PDE4D: variants seen among roughly 807,000 people sequenced by gnomAD.
PDE4D encodes the protein phosphodiesterase 4D, also known as 3',5'-cyclic-AMP phosphodiesterase 4D.
PDE4D carries 24 observed loss-of-function variants against 87.4 expected under a neutral mutation model. The ratio of observed to expected loss-of-function variants is 0.27; its 90% confidence interval spans 0.20 to 0.39. The LOEUF (loss-of-function observed/expected upper bound fraction) is 0.39. Among genes scored for constraint, PDE4D ranks in the 10% least tolerant of loss-of-function variants. The pLI is 1.00. For missense variants in PDE4D, 714 were observed against 1,041.0 expected, an observed-to-expected ratio of 0.69 and a Z score of 4.32; for synonymous variants, 384 against 383.2, an observed-to-expected ratio of 1.00 and a Z score of -0.02.
At chr5:59,875,460 C>CA (rs3062667) in intron 1 of PDE4D, among the ~76,000 whole-genome samples, 3,006 of 39,690 alleles carry the variant, frequency 0.076, 547 homozygotes, top group East Asian at 0.14. Context: ...ACCTCCGTCT[C>CA]AAAAAAAAAA....
At chr5:60,451,129 C>A (rs1282713768) in intron 1 of PDE4D, among the ~76,000 whole-genome samples, 1 of 152,090 alleles carries the variant, frequency 6.6e-6, no homozygotes, top group Admixed American at 6.6e-5. Flanking sequence ...GCCTCCTAAG[C>A]ACCCTATGGT....
In PDE4D at chr5:60,270,442, T is replaced by A. The variant is rs534605138; in HGVS notation, c.-89-84755A>T. Among the ~76,000 whole-genome samples the A allele has an allele frequency of 3.9e-5, 6 of 152,366 alleles. 1 individual carries two copies. Among genetic ancestry groups the A allele is most frequent in the Admixed American group, 3.9e-4 (6 of 15,304 alleles). Reference sequence around the variant, plus strand: ...GTTTGTATCATTCAGACCAGAATAATATTTCATAATTATGACTATATACCT... The same window carrying A: ...GTTTGTATCATTCAGACCAGAATAAAATTTCATAATTATGACTATATACCT... On this transcript the variant is annotated intron_variant, in intron 1 of 16. Transcript: ENST00000502484.
chr5:59,833,428 G>A (rs1741545967), intron 1 of PDE4D, among the ~76,000 whole-genome samples: 1 of 151,958 alleles, frequency 6.6e-6, no homozygotes, highest in Non-Finnish European at 1.5e-5. Context: ...GGATTTGAAA[G>A]AGTCAACAGT....
chr5:59,097,673 A>G (rs991616788), intron 5 of PDE4D, among the ~76,000 whole-genome samples: 45 of 152,342 alleles, frequency 3.0e-4, no homozygotes, highest in African/African-American at 1.0e-3. Flanking sequence ...TTGAGCACTA[A>G]CGTGTTCCTT....
chr5:60,400,458 C>T (rs1356482479), intron 1 of PDE4D, among the ~76,000 whole-genome samples: 1 of 129,254 alleles, frequency 7.7e-6, no homozygotes, highest in Non-Finnish European at 1.6e-5. Context: ...GAAGGCAGAG[C>T]TTGCAGTGAG....
At position 60,042,601 on chromosome 5, in the gene PDE4D, C is replaced by T. The variant is rs574463526; in HGVS notation, c.43-53884G>A. On this transcript the variant is annotated intron_variant, in intron 2 of 16. Coordinates refer to the PDE4D transcript ENST00000502484. ...GGGAAAAACCTTCCAGAGGAAAGAA[C>T]AGGCAGCAATCTTTGCTGTTCTACA... Among the ~76,000 whole-genome samples, 7 of 152,296 alleles carry T rather than the reference C, an allele frequency of 4.6e-5. No individual in the cohort carries two copies. The South Asian group carries it at 1.5e-3, about 32-fold the overall frequency.
intron 2 of PDE4D, among the ~76,000 whole-genome samples, chr5:59,992,310 T>A (rs1465612299): frequency 6.6e-6 from 1 of 152,204 alleles, no homozygotes; most frequent in African/African-American, 2.4e-5. Context: ...CTTTACTTAC[T>A]TTTGAAGTTT....
At position 60,047,558 on chromosome 5, in the gene PDE4D, G is replaced by T. The variant is rs1769449583; in HGVS notation, c.43-58841C>A. Among the ~76,000 whole-genome samples, 6 of 152,074 alleles carry T rather than the reference G, an allele frequency of 3.9e-5. No individual in the cohort carries two copies. The South Asian group carries it at 1.2e-3, about 32-fold the overall frequency. Reference sequence around the variant, plus strand: ...CTTTGAATGCGTCCCAGAGATTCTGGTATGCTGTGTCTTTGTTCTCATTGG... The same window carrying T: ...CTTTGAATGCGTCCCAGAGATTCTGTTATGCTGTGTCTTTGTTCTCATTGG... On this transcript the variant is annotated intron_variant, in intron 2 of 16. Coordinates refer to the PDE4D transcript ENST00000502484.
chr5:59,820,493 G>A (rs374813532), intron 1 of PDE4D, among the ~76,000 whole-genome samples: 2 of 152,200 alleles, frequency 1.3e-5, no homozygotes, highest in East Asian at 1.9e-4. Context: ...ATCAGACAGA[G>A]CTTATTACAA....
intron 1 of PDE4D, among the ~76,000 whole-genome samples, chr5:59,708,990 T>C (rs907494403): frequency 1.3e-5 from 2 of 151,932 alleles, no homozygotes; most frequent in Non-Finnish European, 2.9e-5. Flanking sequence ...TTATCTGATG[T>C]TGAGAAGCTG....
intron 3 of PDE4D, among the ~76,000 whole-genome samples, chr5:59,979,571 C>T (rs770814157): frequency 1.3e-5 from 2 of 151,990 alleles, no homozygotes; most frequent in Non-Finnish European, 1.5e-5. Flanking sequence ...CTCAGAGCCA[C>T]GAACTTCAGT....
intron 3 of PDE4D, among the ~76,000 whole-genome samples, chr5:59,976,616 T>C (rs1465239249): frequency 6.6e-6 from 1 of 152,176 alleles, no homozygotes; most frequent in Non-Finnish European, 1.5e-5. Flanking sequence ...TCTCTTTTCT[T>C]TGTAAATTAG....
chr5:59,444,372 C>T (rs1270002410), intron 1 of PDE4D, among the ~76,000 whole-genome samples: 1 of 152,128 alleles, frequency 6.6e-6, no homozygotes, highest in Admixed American at 6.5e-5. Context: ...ATTGGTCCTC[C>T]TTGGATCAAA....
intron 2 of PDE4D, among the ~76,000 whole-genome samples, chr5:60,122,386 T>G (rs1778768643): frequency 1.3e-5 from 2 of 152,250 alleles, no homozygotes; most frequent in Non-Finnish European, 2.9e-5. Context: ...AACTTCTGCC[T>G]GGGCATCCAG....
chr5:59,663,173 T>C (rs566637519), intron 1 of PDE4D, among the ~76,000 whole-genome samples: 5 of 152,280 alleles, frequency 3.3e-5, no homozygotes, highest in Admixed American at 2.0e-4. Context: ...CTTTGTTTTT[T>C]TTTTCCTTTG....
intron 5 of PDE4D, among the ~76,000 whole-genome samples, chr5:59,086,376 A>G (rs997714135): frequency 5.9e-5 from 9 of 152,024 alleles, no homozygotes; most frequent in Admixed American, 2.0e-4. Flanking sequence ...TTCTCCATCA[A>G]ATTTTTCTAA....
At chr5:59,007,958 A>G (rs1373599969) in intron 6 of PDE4D, among the ~76,000 whole-genome samples, 1 of 152,122 alleles carries the variant, frequency 6.6e-6, no homozygotes, top group Non-Finnish European at 1.5e-5. Context: ...TGATAGCTGT[A>G]TTTATATTTC....
At chr5:59,147,428 C>A (rs925233564) in intron 5 of PDE4D, among the ~76,000 whole-genome samples, 1 of 152,004 alleles carries the variant, frequency 6.6e-6, no homozygotes, top group African/African-American at 2.4e-5. Context: ...ATTTTCTAAA[C>A]CCTCAAATTA....
chr5:60,046,141 G>T (rs1769209183), intron 2 of PDE4D, among the ~76,000 whole-genome samples: 1 of 152,186 alleles, frequency 6.6e-6, no homozygotes, highest in African/African-American at 2.4e-5. Flanking sequence ...GTGAATGGTA[G>T]TTCACTCATG....
Sources: gnomAD v4.1 joint callset for allele counts (sites outside exome capture counted in the v4.1 genomes callset) on GRCh38, gnomAD v4.1.1 for gene constraint, MANE v1.5 for transcripts, NCBI Gene and HGNC (gene_info 2026-07-23, HGNC 2026-07-21) for gene names.